Variants in CHRND observed in about 807,000 individuals in gnomAD.
CHRND encodes acetylcholine receptor subunit delta.
A neutral mutation model predicts 57.8 loss-of-function variants in CHRND; 40 were observed. The observed-to-expected ratio is 0.69, with a 90% confidence interval of 0.54 to 0.90. The LOEUF is 0.90. Among genes scored for constraint, CHRND ranks in the 40% least tolerant of loss-of-function variants. The pLI, the probability that CHRND is intolerant of heterozygous loss-of-function variation, is 0.00. For synonymous variants in CHRND, 237 were observed against 270.6 expected (o/e 0.88, Z 1.22); for missense variants, 634 against 673.9 (o/e 0.94, Z 0.66).
rs769599634 is a variant in CHRND at position 232,535,363 on chromosome 2, C to G, written c.*51C>G. On this transcript the variant is annotated 3_prime_UTR_variant, in exon 12 of 12. Transcript: ENST00000258385. The stretch of plus-strand genomic sequence containing the variant: ...ACAGCAGGGTCTGAGAGAGGAGCCA[C>G]AGTCCCTAATGACACCCACTCCTAG... The G allele has an allele frequency of 6.2e-7, 1 of 1,600,188 alleles. No homozygotes were observed. The highest frequency in any genetic ancestry group is 1.1e-5 in the South Asian group (1 of 90,956).
intron 9 of CHRND, among the ~76,000 whole-genome samples, chr2:232,532,676 C>A (rs1574635752): frequency 6.6e-6 from 1 of 152,206 alleles, no homozygotes; most frequent in African/African-American, 2.4e-5. Context: ...ATGCTGCAGG[C>A]CTCACTTTGT....
At chr2:232,528,438 T>TC in intron 4 of CHRND, 63 bp from the exon 5 acceptor site, 1 of 1,613,424 alleles carries the variant, frequency 6.2e-7, no homozygotes, top group East Asian at 2.2e-5. Flanking sequence ...CTCCTCTGCC[T>TC]CCCCCAACTC....
intron 9 of CHRND, among the ~76,000 whole-genome samples, chr2:232,533,295 T>C (rs1403542121): frequency 6.6e-6 from 1 of 152,206 alleles, no homozygotes; most frequent in Non-Finnish European, 1.5e-5. Context: ...GCTGGGACTA[T>C]AGGCGTGAGC....
Position 232,535,302 on chromosome 2 carries a change from G to A in CHRND, c.1544G>A (p.Arg515His), listed in dbSNP as rs570911554. ...DPYSYNVQDKRFI is the reference protein window; with the variant it reads ...DPYSYNVQDKHFI ...TACTCCTACAACGTGCAGGACAAGC[G>A]CTTCATCTAGGGTGGGCCTGTTGGG... is the stretch of plus-strand genomic sequence containing the variant. Residue 515 changes from arginine (R) to histidine (H), a missense_variant, in exon 12 of 12, where the codon CGC becomes CAC. Coordinates refer to ENST00000258385, the MANE Select transcript of CHRND (RefSeq NM_000751.3). The A allele has an allele frequency of 9.9e-6, 16 of 1,613,536 alleles. No individual in the cohort carries two copies. Among genetic ancestry groups the A allele is most frequent in the Middle Eastern group, 1.6e-4 (1 of 6,062 alleles).
chr2:232,532,798 G>A (rs1378804236), intron 9 of CHRND, among the ~76,000 whole-genome samples: 1 of 152,140 alleles, frequency 6.6e-6, no homozygotes, highest in Non-Finnish European at 1.5e-5. Context: ...AGATTTTTGG[G>A]GATCATGTTC....
At position 232,535,131 on chromosome 2, in the gene CHRND, A is replaced by T; in HGVS notation, c.1373A>T (p.Glu458Val). ...CACTCTCTCTGCCCCTACCCACAGG[A>T]GAAAGACAGCTGGAACCGAGTGGCC... ...HMRDQNNYNE[E>V]KDSWNRVART... The change falls in exon 12 of 12, where the codon GAG becomes GTG. Residue 458 changes from glutamate to valine, a missense_variant and splice_region_variant. Transcript: ENST00000258385. The T allele has an allele frequency of 6.2e-7, 1 of 1,614,046 alleles. No individual in the cohort carries two copies. Among genetic ancestry groups the T allele is most frequent in the Non-Finnish European group, 8.5e-7 (1 of 1,180,012 alleles).
rs750641841 is a variant in CHRND, at chr2:232,535,397, C to G, written c.*85C>G. 10 of 1,512,376 alleles carry G rather than the reference C, an allele frequency of 6.6e-6. No individual in the cohort carries two copies. Among genetic ancestry groups the G allele is most frequent in the Non-Finnish European group, 9.1e-6 (10 of 1,102,502 alleles). 93.7% of individuals were successfully genotyped at this position (1,512,376 alleles called of 1,614,324 possible). A position where few individuals can be genotyped will look rare whatever the true frequency, so the allele number is the denominator to read the frequency against. On this transcript the variant is annotated 3_prime_UTR_variant, in exon 12 of 12. Transcript: ENST00000258385. ...ATGACACCCACTCCTAGCCCTGAGG[C>G]TCGTGCCCCTCAGACTGGGGAAGAG...
rs1691453078 is a variant in CHRND at position 232,526,203 on chromosome 2, T to A, written c.-13T>A. 4 of 1,611,516 alleles carry A rather than the reference T, an allele frequency of 2.5e-6. No individual in the cohort carries two copies. In the East Asian group the frequency reaches 8.9e-5, roughly 36 times the overall value. On this transcript the variant is annotated 5_prime_UTR_variant, in exon 1 of 12. Coordinates refer to ENST00000258385, the MANE Select transcript of CHRND (RefSeq NM_000751.3). ...CAGGAGGGGCAGATGCACGTCCCAG[T>A]CAGAGGGATGGGATGGAGGGGCCAG...
At chr2:232,530,450 C>G (rs142621439) in intron 7 of CHRND, among the ~76,000 whole-genome samples, 11 of 152,326 alleles carry the variant, frequency 7.2e-5, no homozygotes, top group Admixed American at 2.0e-4. Context: ...AGTGTGTGAC[C>G]GTGGGCCTGG....
rs1031076146 is a variant in CHRND, at chr2:232,531,790, C to T, written c.1047+134C>T. On this transcript the variant is annotated intron_variant, in intron 9 of 11. Transcript: ENST00000258385. ...ATAGAGACACCCCTGTCTCTATAAA[C>T]AATCAAAAAAATTAGCCAAGTGTGG... is the stretch of plus-strand genomic sequence containing the variant. 4 of 738,122 alleles carry T rather than the reference C, an allele frequency of 5.4e-6. No homozygotes were observed. In the East Asian group the frequency reaches 8.1e-5, roughly 15 times the overall value. The allele number at this position is 738,122 out of a possible 1,614,324, so 45.7% of individuals were successfully genotyped here.
chr2:232,529,260 CAT>C (rs368495792), intron 6 of CHRND, among the ~76,000 whole-genome samples: 347 of 152,312 alleles, frequency 2.3e-3, no homozygotes, highest in Admixed American at 5.9e-3. Flanking sequence ...GCTTCTCCCA[CAT>C]GAGATGCCTG....
In CHRND at chr2:232,526,239, G is replaced by A. The variant is rs1489551262; in HGVS notation, c.24G>A (p.Leu8=). MEGPVLT[L]GLLAALAVCG... Reference sequence around the variant, plus strand: ...GGATGGAGGGGCCAGTGCTGACACTGGGGCTGCTGGCTGCCCTGGCGGTGT... The same window carrying A: ...GGATGGAGGGGCCAGTGCTGACACTAGGGCTGCTGGCTGCCCTGGCGGTGT... The change falls in exon 1 of 12, where the codon CTG becomes CTA. Residue 8 remains leucine, a synonymous_variant. Coordinates refer to ENST00000258385, the MANE Select transcript of CHRND (RefSeq NM_000751.3). The A allele has an allele frequency of 6.2e-7, 1 of 1,613,280 alleles. No individual in the cohort carries two copies. The highest frequency in any genetic ancestry group is 2.2e-5 in the East Asian group (1 of 44,868).
At chr2:232,529,820 A>G (rs894313073) in intron 6 of CHRND, 119 bp from the exon 7 acceptor site, 1 of 1,042,972 alleles carries the variant, frequency 9.6e-7, no homozygotes, top group Non-Finnish European at 1.4e-6. Flanking sequence ...GGGACCCCGT[A>G]GACAGCCCAT....
At chr2:232,526,414 G>T in intron 1 of CHRND, 115 bp from the exon 2 acceptor site, 3 of 1,563,778 alleles carry the variant, frequency 1.9e-6, no homozygotes, top group Non-Finnish European at 2.6e-6. Flanking sequence ...CCAGGGAGTG[G>T]TTGGGTTCCC....
chr2:232,526,832 C>T (rs1248895940), intron 2 of CHRND, among the ~76,000 whole-genome samples, 158 bp downstream of exon 2: 1 of 152,200 alleles, frequency 6.6e-6, no homozygotes, highest in Non-Finnish European at 1.5e-5. Flanking sequence ...AGGCTGCTGT[C>T]CTGCCCCTCC....
chr2:232,535,907 C>T lies in CHRND; in HGVS notation c.*595C>T, dbSNP rs1292477915. On this transcript the variant is annotated 3_prime_UTR_variant, in exon 12 of 12. Transcript: ENST00000258385. ...AGGTCAGGATCGACATCCACAAAGA[C>T]TTGGGGTCAGCCTGAGGTTGCACAC... The T allele has an allele frequency of 2.2e-6, 1 of 454,008 alleles. No individual in the cohort carries two copies. The highest frequency in any genetic ancestry group is 4.4e-6 in the Non-Finnish European group (1 of 226,798). 28.1% of individuals were successfully genotyped at this position (454,008 alleles called of 1,614,324 possible). A position where few individuals can be genotyped will look rare whatever the true frequency, so the allele number is the denominator to read the frequency against.
chr2:232,532,781 G>A (rs2106213193), intron 9 of CHRND, among the ~76,000 whole-genome samples: 1 of 152,346 alleles, frequency 6.6e-6, no homozygotes, highest in Non-Finnish European at 1.5e-5. Flanking sequence ...GGGGGCAGGT[G>A]TGAGGGAGAT....
At chr2:232,532,203 C>G (rs1296156131) in intron 9 of CHRND, among the ~76,000 whole-genome samples, 1 of 151,920 alleles carries the variant, frequency 6.6e-6, no homozygotes, top group Non-Finnish European at 1.5e-5. Flanking sequence ...TGTGGTAGCT[C>G]ACACCTATAA....
At chr2:232,527,332 G>GAC in intron 2 of CHRND, 69 bp from the exon 3 acceptor site, 23 of 1,311,282 alleles carry the variant, frequency 1.8e-5, no homozygotes, top group Non-Finnish European at 2.5e-5. Flanking sequence ...GAGAGAGAGA[G>GAC]AGTGGGTGAA....
Sources: gnomAD v4.1 joint callset for allele counts (sites outside exome capture counted in the v4.1 genomes callset) on GRCh38, gnomAD v4.1.1 for gene constraint, MANE v1.5 for transcripts, NCBI Gene and HGNC (gene_info 2026-07-23, HGNC 2026-07-21) for gene names.